Variants in SARDH observed in about 807,000 individuals in gnomAD.
The protein encoded by SARDH is sarcosine dehydrogenase, also known as sarcosine dehydrogenase, mitochondrial.
Under a neutral mutation model 109.1 loss-of-function variants are expected in SARDH, and 95 were observed. The observed-to-expected ratio is 0.87, with a 90% CI of 0.74 to 1.03. SARDH has a LOEUF of 1.03. Ranked by LOEUF, SARDH falls within the 50% of genes least tolerant of loss-of-function variation. SARDH has a pLI of 0.00. For missense variants in SARDH, 1,267 were observed against 1,287.8 expected (o/e 0.98, Z 0.25); for synonymous variants, 572 against 534.8 (o/e 1.07, Z -0.96).
At position 133,686,963 on chromosome 9, in the gene SARDH, A is replaced by G. The variant is rs1256369551; in HGVS notation, c.2070-1677T>C. 6.6e-6 allele frequency among the ~76,000 whole-genome samples: 1 copy of G among 152,110 alleles called. No individual in the cohort carries two copies. Among genetic ancestry groups the G allele is most frequent in the East Asian group, 1.9e-4 (1 of 5,172 alleles). On this transcript the variant is annotated intron_variant, in intron 16 of 20. Coordinates refer to ENST00000439388, the MANE Select transcript of SARDH (RefSeq NM_001134707.2). The surrounding 1 kb of genome is among the most constrained non-coding windows in gnomAD (Gnocchi z 4.0). ...AAGGGACCCTGGGGCAGAAGCCTGG[A>G]GCTGCCACCTGGTCCAAGGCTTTGA...
chr9:133,716,488 G>A (rs1832126441), intron 8 of SARDH, among the ~76,000 whole-genome samples: 1 of 152,198 alleles, frequency 6.6e-6, no homozygotes, highest in African/African-American at 2.4e-5. Context: ...ACCTTTGCCA[G>A]GGCCCAGGCC....
At chr9:133,689,429 T>C (rs1370183785) in intron 16 of SARDH, among the ~76,000 whole-genome samples, 3 of 151,308 alleles carry the variant, frequency 2.0e-5, no homozygotes, top group Admixed American at 2.0e-4. Flanking sequence ...GGGTCACCAA[T>C]GGAAGGCCTA....
intron 6 of SARDH, among the ~76,000 whole-genome samples, chr9:133,719,607 G>T (rs1421267626): frequency 1.3e-5 from 2 of 151,988 alleles, no homozygotes; most frequent in African/African-American, 4.8e-5. Context: ...GGCTCCAGAA[G>T]TGGGGAGAGT....
rs899626029 is a variant in SARDH, at chr9:133,712,146, C to T, written c.1328+473G>A. On this transcript the variant is annotated intron_variant, in intron 10 of 20. Transcript: ENST00000439388. This position sits in a 1 kb window ranked among gnomAD's most constrained non-coding sequence, Gnocchi z 4.1. ...TCCCAGAACCTCCACAGCCCCTCCCCATCACCCTGCATTAGAGACGAGGAA... is the reference window on the plus strand; with the variant it reads ...TCCCAGAACCTCCACAGCCCCTCCCTATCACCCTGCATTAGAGACGAGGAA... Among the ~76,000 whole-genome samples, 4 of 152,224 alleles carry T rather than the reference C, an allele frequency of 2.6e-5. No homozygotes were observed. Among genetic ancestry groups the T allele is most frequent in the Non-Finnish European group, 4.4e-5 (3 of 68,040 alleles).
At chr9:133,677,906 T>C (rs974678894) in intron 17 of SARDH, among the ~76,000 whole-genome samples, 1 of 152,212 alleles carries the variant, frequency 6.6e-6, no homozygotes, top group African/African-American at 2.4e-5. Context: ...TGGAATGAGA[T>C]CATGTGGGGC....
At position 133,696,338 on chromosome 9, in the gene SARDH, G is replaced by A. The variant is rs908242171; in HGVS notation, c.1692C>T (p.Cys564=). 6.2e-7 allele frequency: 1 copy of A among 1,614,126 alleles called. No homozygotes were observed. The highest frequency in any genetic ancestry group is 8.5e-7 in the Non-Finnish European group (1 of 1,180,036). The change falls in exon 14 of 21, where the codon TGC becomes TGT. Residue 564 remains cysteine, a synonymous_variant. Transcript: ENST00000439388. ...HDTIKKECLA[C]RGAAAVFDMS... is the part of the protein sequence containing the mutation. ...TGTCAAACACAGCGGCGGCCCCTCT[G>A]CAGGCCAGGCACTCCTTCTTGATCT... is the stretch of plus-strand genomic sequence containing the variant.
At chr9:133,736,090 C>T (rs1159966254) in intron 1 of SARDH, among the ~76,000 whole-genome samples, 1 of 150,868 alleles carries the variant, frequency 6.6e-6, no homozygotes. Flanking sequence ...TATGAACAAA[C>T]ATGTACAGCT....
rs903434537 is a variant in SARDH at position 133,693,213 on chromosome 9, C to T, written c.1921+1045G>A. 6.6e-6 allele frequency among the ~76,000 whole-genome samples: 1 copy of T among 152,288 alleles called. No homozygotes were observed. The highest frequency in any genetic ancestry group is 1.9e-4 in the East Asian group (1 of 5,182). ...ATGGGCCAGAACCTCCTGTGTTTGG[C>T]TCACTGTTGGGTCCTCCGTGCCTCA... On this transcript the variant is annotated intron_variant, in intron 15 of 20. Transcript: ENST00000439388. This position sits in a 1 kb window ranked among gnomAD's most constrained non-coding sequence, Gnocchi z 5.6.
At chr9:133,716,121 G>A (rs1039248582) in intron 8 of SARDH, among the ~76,000 whole-genome samples, 10 of 152,214 alleles carry the variant, frequency 6.6e-5, no homozygotes, top group Non-Finnish European at 1.3e-4. Context: ...CGCCCTCCAG[G>A]GCCGGGCTAG....
intron 17 of SARDH, among the ~76,000 whole-genome samples, chr9:133,673,659 T>C (rs1418784870): frequency 6.6e-6 from 1 of 152,270 alleles, no homozygotes; most frequent in Non-Finnish European, 1.5e-5. Context: ...AAATATACTG[T>C]TGACATTTCC....
In SARDH at chr9:133,703,102, C is replaced by T. The variant is rs1308190975; in HGVS notation, c.1555-73G>A. 19 of 1,349,752 alleles carry T rather than the reference C, an allele frequency of 1.4e-5. No individual in the cohort carries two copies. In the East Asian group the frequency reaches 2.6e-4, roughly 19 times the overall value. 83.6% of individuals were successfully genotyped at this position (1,349,752 alleles called of 1,614,324 possible). A position where few individuals can be genotyped will look rare whatever the true frequency, so the allele number is the denominator to read the frequency against. ...CGCTTCCCTCCCCAGAGCGGGGTCCCGCTGAGGCTGTGATGGGGTCAGGCC... is the reference window on the plus strand; with the variant it reads ...CGCTTCCCTCCCCAGAGCGGGGTCCTGCTGAGGCTGTGATGGGGTCAGGCC... On this transcript the variant is annotated intron_variant, in intron 12 of 20. Transcript: ENST00000439388.
intron 11 of SARDH, among the ~76,000 whole-genome samples, chr9:133,705,756 T>A (rs546221386): frequency 1.3e-5 from 2 of 152,318 alleles, no homozygotes; most frequent in Admixed American, 1.3e-4. Context: ...CATCCCCACA[T>A]AAATTCGTAT....
chr9:133,660,957 C>A (rs1832404644), downstream of SARDH, among the ~76,000 whole-genome samples: 3 of 152,082 alleles, frequency 2.0e-5, no homozygotes, highest in South Asian at 6.2e-4. Flanking sequence ...AATCCCAGCA[C>A]TTTGGGAGGC....
At chr9:133,697,043 G>C (rs4744534) in intron 13 of SARDH, among the ~76,000 whole-genome samples, 19 of 152,006 alleles carry the variant, frequency 1.2e-4, no homozygotes, top group African/African-American at 4.6e-4. Context: ...TCAACAAAAT[G>C]GACAAACTTC....
At chr9:133,696,001 G>A (rs567829571) in intron 14 of SARDH, among the ~76,000 whole-genome samples, 2 of 152,162 alleles carry the variant, frequency 1.3e-5, no homozygotes, top group South Asian at 4.2e-4. Context: ...AGGTAGGGAG[G>A]AGAAGGAAGG....
At chr9:133,679,598 C>T (rs1460277369) in intron 17 of SARDH, among the ~76,000 whole-genome samples, 4 of 152,200 alleles carry the variant, frequency 2.6e-5, no homozygotes, top group African/African-American at 7.2e-5. Context: ...CGGGAGAGCA[C>T]TGACCCACGG....
At chr9:133,688,601 G>A (rs994826421) in intron 16 of SARDH, among the ~76,000 whole-genome samples, 1 of 152,116 alleles carries the variant, frequency 6.6e-6, no homozygotes, top group Non-Finnish European at 1.5e-5. Context: ...CTCCCTCAGA[G>A]GAGCAGCTGC....
rs1052269820 is a variant in SARDH at position 133,689,645 on chromosome 9, T to C, written c.2069+735A>G. Among the ~76,000 whole-genome samples, 5 of 152,154 alleles carry C rather than the reference T, an allele frequency of 3.3e-5. No homozygotes were observed. In the South Asian group the frequency reaches 8.3e-4, roughly 25 times the overall value. On this transcript the variant is annotated intron_variant, in intron 16 of 20. Transcript: ENST00000439388. Reference sequence around the variant, plus strand: ...AACAATTATGACCACCTCAAAGGGCTACCGTGGGGATGGGAGATGTTGGCT... The same window carrying C: ...AACAATTATGACCACCTCAAAGGGCCACCGTGGGGATGGGAGATGTTGGCT...
In SARDH at chr9:133,690,419, G is replaced by C; in HGVS notation, c.2030C>G (p.Ser677Cys). The C allele has an allele frequency of 1.2e-6, 2 of 1,613,258 alleles. No individual in the cohort carries two copies. Among genetic ancestry groups the C allele is most frequent in the Non-Finnish European group, 1.7e-6 (2 of 1,179,934 alleles). The change falls in exon 16 of 21, where the codon TCC becomes TGC. Residue 677 changes from serine to cysteine, a missense_variant. Physicochemically the swap from Ser to Cys is moderately radical, Grantham distance 112 (BLOSUM62 -1). Transcript: ENST00000439388. ...GATACTGATCATACCCAGGTCCTCG[G>C]AGCTGTCGATGAGCTGGCACTGGGA... Reference protein sequence around the residue: ...QKSQCQLIDSSEDLGMISIQG... With the variant: ...QKSQCQLIDSCEDLGMISIQG...
Sources: allele counts gnomAD v4.1 joint callset (sites outside exome capture counted in the v4.1 genomes callset), GRCh38; gene constraint gnomAD v4.1.1; non-coding constraint Gnocchi (gnomAD v3.1); transcripts MANE v1.5; gene names NCBI Gene and HGNC (gene_info 2026-07-23, HGNC 2026-07-21).